SMYD3: variants seen among roughly 807,000 people sequenced by gnomAD.
The protein encoded by SMYD3 is SET and MYND domain containing 3.
A neutral mutation model predicts 57.7 loss-of-function variants in SMYD3; 36 were observed. The observed-to-expected ratio is 0.62, with a 90% CI of 0.48 to 0.82. The LOEUF is 0.82. Ranked by LOEUF, SMYD3 falls within the 40% of genes least tolerant of loss-of-function variation. SMYD3 has a pLI of 0.00. For synonymous variants in SMYD3, 211 were observed against 195.0 expected (o/e 1.08, Z -0.68); for missense variants, 515 against 538.8 (o/e 0.96, Z 0.44).
chr1:245,950,477 A>AG (rs2057589217), intron 5 of SMYD3, among the ~76,000 whole-genome samples: 1 of 152,186 alleles, frequency 6.6e-6, no homozygotes, highest in African/African-American at 2.4e-5. Flanking sequence ...CAGCCACACT[A>AG]GGCCCTGAAC....
chr1:245,763,806 G>C (rs982888296), intron 11 of SMYD3, among the ~76,000 whole-genome samples: 4 of 152,148 alleles, frequency 2.6e-5, no homozygotes, highest in African/African-American at 9.7e-5. Flanking sequence ...TTTATAAGAA[G>C]GTTGATTTTA....
At position 246,461,481 on chromosome 1, in the gene SMYD3, T is replaced by C. The variant is rs1295150800; in HGVS notation, c.164+45573A>G. Among the ~76,000 whole-genome samples, 5 of 152,292 alleles carry C rather than the reference T, an allele frequency of 3.3e-5. No homozygotes were observed. The Middle Eastern group carries it at 0.014, about 414-fold the overall frequency. On this transcript the variant is annotated intron_variant, in intron 1 of 11. Transcript: ENST00000490107. ...TAATCACATCATAAACATGTTTCTATAGAAAAATAGAAATCATATAAAGCA... is the reference window on the plus strand; with the variant it reads ...TAATCACATCATAAACATGTTTCTACAGAAAAATAGAAATCATATAAAGCA...
chr1:246,240,377 G>T (rs1337508666), intron 5 of SMYD3, among the ~76,000 whole-genome samples: 1 of 152,064 alleles, frequency 6.6e-6, no homozygotes, highest in South Asian at 2.1e-4. Flanking sequence ...TTTTTGTCAG[G>T]TGTGTCAAAG....
chr1:246,118,102 G>A (rs2061370286), intron 5 of SMYD3, among the ~76,000 whole-genome samples: 1 of 152,072 alleles, frequency 6.6e-6, no homozygotes, highest in African/African-American at 2.4e-5. Context: ...TCTCTGCAAC[G>A]AGGTATATAA....
chr1:246,108,441 C>T (rs578122368), intron 5 of SMYD3, among the ~76,000 whole-genome samples: 1 of 152,316 alleles, frequency 6.6e-6, no homozygotes, highest in Admixed American at 6.5e-5. Context: ...TTATCAACAT[C>T]CATCCAGTCT....
At chr1:246,425,161 GCCAGT>G (rs1021965418) in intron 1 of SMYD3, among the ~76,000 whole-genome samples, 3 of 152,072 alleles carry the variant, frequency 2.0e-5, no homozygotes, top group Non-Finnish European at 4.4e-5. Flanking sequence ...TTTCCAAAGT[GCCAGT>G]CCAGACTTCT....
chr1:245,903,310 GA>G (rs779867959), intron 8 of SMYD3, among the ~76,000 whole-genome samples: 24 of 152,114 alleles, frequency 1.6e-4, no homozygotes, highest in Non-Finnish European at 3.2e-4. Flanking sequence ...TAACAAAAAA[GA>G]ATGAAGAAAG....
chr1:246,446,789 G>A (rs1457412392), intron 1 of SMYD3, among the ~76,000 whole-genome samples: 1 of 152,092 alleles, frequency 6.6e-6, no homozygotes, highest in Non-Finnish European at 1.5e-5. Flanking sequence ...CAGCACTTTG[G>A]GAGGCTGAGG....
chr1:245,898,136 T>C (rs961000673), intron 8 of SMYD3, among the ~76,000 whole-genome samples: 1 of 152,214 alleles, frequency 6.6e-6, no homozygotes, highest in Non-Finnish European at 1.5e-5. Flanking sequence ...CTGTTATATA[T>C]TGCTTCTAGG....
At chr1:246,179,900 T>G (rs1009869944) in intron 5 of SMYD3, among the ~76,000 whole-genome samples, 5 of 152,148 alleles carry the variant, frequency 3.3e-5, no homozygotes, top group Non-Finnish European at 2.9e-5. Context: ...CTGGGGCCCA[T>G]GTTCACCCTG....
intron 5 of SMYD3, among the ~76,000 whole-genome samples, chr1:246,091,018 C>T (rs77211194): frequency 1.5e-3 from 225 of 152,266 alleles, no homozygotes; most frequent in African/African-American, 5.2e-3. Context: ...CAACTCTGCC[C>T]TTTCATTTCA....
chr1:246,356,315 T>C (rs2065909601), intron 1 of SMYD3, among the ~76,000 whole-genome samples: 1 of 151,856 alleles, frequency 6.6e-6, no homozygotes, highest in Non-Finnish European at 1.5e-5. Flanking sequence ...GTCCCATGTC[T>C]CCCCTCTGAC....
chr1:246,208,373 A>G (rs879917470), intron 5 of SMYD3, among the ~76,000 whole-genome samples: 45 of 152,138 alleles, frequency 3.0e-4, no homozygotes, highest in Admixed American at 5.2e-4. Context: ...AAAGGAATCT[A>G]GACATGTGGA....
At chr1:246,419,207 C>A (rs2067106468) in intron 1 of SMYD3, among the ~76,000 whole-genome samples, 1 of 152,202 alleles carries the variant, frequency 6.6e-6, no homozygotes, top group South Asian at 2.1e-4. Context: ...AGGGATAAAC[C>A]TATAAGATAA....
intron 5 of SMYD3, among the ~76,000 whole-genome samples, chr1:246,125,075 AAAAAAAAAAAAAAC>A (rs1558250603): frequency 2.7e-5 from 2 of 73,660 alleles, no homozygotes; most frequent in African/African-American, 3.9e-5. Flanking sequence ...CCGTCTCAAA[AAAAAAAAAAAAAAC>A]ACACACACAC....
chr1:245,970,562 T>C (rs1164448401), intron 5 of SMYD3, among the ~76,000 whole-genome samples: 1 of 152,100 alleles, frequency 6.6e-6, no homozygotes, highest in Non-Finnish European at 1.5e-5. Flanking sequence ...TCTATCCATA[T>C]GACAAAGGGC....
chr1:246,139,826 G>A (rs7551290), intron 5 of SMYD3, among the ~76,000 whole-genome samples: 76,345 of 151,996 alleles, frequency 0.5, 22,992 homozygotes, highest in Non-Finnish European at 0.69. Context: ...AAAGAATCCT[G>A]CTGGAAAGGA....
At chr1:246,219,929 C>T (rs908529046) in intron 5 of SMYD3, among the ~76,000 whole-genome samples, 1 of 152,152 alleles carries the variant, frequency 6.6e-6, no homozygotes, top group African/African-American at 2.4e-5. Context: ...ATGTACTCCA[C>T]CTCCCACCTT....
chr1:246,335,257 T>C, intron 3 of SMYD3, 110 bp downstream of exon 3: 1 of 946,414 alleles, frequency 1.1e-6, no homozygotes, highest in Non-Finnish European at 1.6e-6. Context: ...TTTGCTTTAT[T>C]GTGGTAGTCT....
Sources: gnomAD v4.1 joint callset for allele counts (sites outside exome capture counted in the v4.1 genomes callset) on GRCh38, gnomAD v4.1.1 for gene constraint, MANE v1.5 for transcripts, NCBI Gene and HGNC (gene_info 2026-07-23, HGNC 2026-07-21) for gene names.